The following MYO5C variants were observed in gnomAD, a reference collection of about 807,000 sequenced individuals.
MYO5C encodes unconventional myosin-Vc.
Under a neutral mutation model 235.7 loss-of-function variants are expected in MYO5C, and 194 were observed. The ratio of observed to expected loss-of-function variants is 0.82; its 90% CI spans 0.73 to 0.93. The LOEUF (loss-of-function observed/expected upper bound fraction) is 0.93. Ranked by LOEUF, MYO5C falls within the 40% of genes least tolerant of loss-of-function variation. The probability of loss-of-function intolerance (pLI) is 0.00; values close to 1 mark genes in which losing one functional copy is unlikely to be tolerated. For synonymous variants in MYO5C, 707 were observed against 754.8 expected, an observed-to-expected ratio of 0.94 and a Z score of 1.04; for missense variants, 2,038 against 2,127.2, an observed-to-expected ratio of 0.96 and a Z score of 0.82.
intron 1 of MYO5C, among the ~76,000 whole-genome samples, chr15:52,292,031 A>G (rs369479465): frequency 9.2e-5 from 14 of 151,882 alleles, no homozygotes; most frequent in African/African-American, 3.1e-4. Flanking sequence ...GAGCCACCGC[A>G]CCCGGCCGCA....
At chr15:52,213,061 T>C in intron 34 of MYO5C, 127 bp downstream of exon 34, 1 of 665,126 alleles carries the variant, frequency 1.5e-6, no homozygotes, top group Non-Finnish European at 2.7e-6. Context: ...TGAGAAACTC[T>C]GGGCTGGGGG....
At chr15:52,281,614 T>C (rs894748389) in intron 2 of MYO5C, among the ~76,000 whole-genome samples, 1 of 152,142 alleles carries the variant, frequency 6.6e-6, no homozygotes, top group African/African-American at 2.4e-5. Context: ...TCATCGCACT[T>C]CAGCAACCCT....
intron 13 of MYO5C, among the ~76,000 whole-genome samples, chr15:52,250,735 C>A (rs145579518): frequency 2.2e-4 from 34 of 152,306 alleles, no homozygotes; most frequent in African/African-American, 7.9e-4. Flanking sequence ...GCTAGGCCAC[C>A]AAGGCAACAC....
chr15:52,275,724 G>A lies in MYO5C; in HGVS notation c.450-6C>T. ...TGGACTGGTTTCTGTTGTTTCTAAA[G>A]CAAATAAAAGTTTTCAAATATTAGT... On this transcript the variant is annotated splice_region_variant and splice_polypyrimidine_tract_variant and intron_variant, in intron 4 of 40. Coordinates refer to ENST00000261839, the MANE Select transcript of MYO5C (RefSeq NM_018728.4). The A allele has an allele frequency of 6.2e-7, 1 of 1,613,690 alleles. No homozygotes were observed. Among genetic ancestry groups the A allele is most frequent in the African/African-American group, 1.3e-5 (1 of 75,024 alleles).
intron 33 of MYO5C, 77 bp downstream of exon 33, chr15:52,214,526 G>T: frequency 2.8e-6 from 3 of 1,072,936 alleles, no homozygotes; most frequent in Non-Finnish European, 4.0e-6. Context: ...ATAAGCTTTG[G>T]ACCAGAAAGA....
chr15:52,244,235 T>C (rs2036288428), intron 19 of MYO5C, 121 bp downstream of exon 19: 3 of 896,736 alleles, frequency 3.3e-6, no homozygotes, highest in South Asian at 1.7e-5. Flanking sequence ...AGGGGACCCA[T>C]GCACGTCTGC....
chr15:52,250,668 C>T (rs1566979500), intron 13 of MYO5C, among the ~76,000 whole-genome samples: 1 of 152,182 alleles, frequency 6.6e-6, no homozygotes, highest in South Asian at 2.1e-4. Context: ...CTCACAGCAC[C>T]GGCCTCTGCG....
At chr15:52,271,222 C>G (rs1054094255) in intron 7 of MYO5C, among the ~76,000 whole-genome samples, 8 of 151,908 alleles carry the variant, frequency 5.3e-5, no homozygotes, top group Non-Finnish European at 1.0e-4. Context: ...CCATAAATAC[C>G]CAATGAGCTA....
intron 6 of MYO5C, among the ~76,000 whole-genome samples, chr15:52,272,230 C>A (rs2036939747): frequency 6.6e-6 from 1 of 152,236 alleles, no homozygotes. Flanking sequence ...CTCAATAGCT[C>A]TGATCCCATT....
intron 12 of MYO5C, among the ~76,000 whole-genome samples, chr15:52,251,725 C>T (rs758670919): frequency 1.3e-5 from 2 of 151,952 alleles, no homozygotes; most frequent in South Asian, 4.2e-4. Flanking sequence ...AGTGTGATGA[C>T]GCGATCTTGG....
In MYO5C at chr15:52,208,562, C is replaced by T. The variant is rs755213572; in HGVS notation, c.4378G>A (p.Gly1460Arg). The change falls in exon 36 of 41, where the codon GGA (glycine) becomes AGA (arginine). Residue 1460 changes from glycine to arginine, a missense_variant. Gly to Arg is a moderately radical substitution (Grantham distance 125). Coordinates refer to ENST00000261839, the MANE Select transcript of MYO5C (RefSeq NM_018728.4). Reference protein sequence around the residue: ...HFLNCLKQYSGEEEFMKHNSP... With the variant: ...HFLNCLKQYSREEEFMKHNSP... ...AGGTGGGCGCCCCCTACCTCTTCTC[C>T]GCTGTACTGCTTCAGGCAATTGAGA... 3.5e-5 allele frequency: 57 copies of T among 1,613,936 alleles called. 1 individual carries two copies. In the Middle Eastern group the frequency reaches 6.6e-4, roughly 19 times the overall value.
rs767917121 is a variant in MYO5C at position 52,295,575 on chromosome 15, C to T, written c.27+35G>A. On this transcript the variant is annotated intron_variant, in intron 1 of 40. Transcript: ENST00000261839. ...TCAGCGTTAGCAGGGCCGGCTCCCC[C>T]ACAGCGCTCCCAGGAGCCCAGCGGA... 1.7e-5 allele frequency: 26 copies of T among 1,501,092 alleles called. No individual in the cohort carries two copies. The African/African-American group carries it at 2.5e-4, about 14-fold the overall frequency. 93.0% of individuals were successfully genotyped at this position (1,501,092 alleles called of 1,614,324 possible). A position where few individuals can be genotyped will look rare whatever the true frequency, so the allele number is the denominator to read the frequency against.
At position 52,279,603 on chromosome 15, in the gene MYO5C, A is replaced by G. The variant is rs1412029080; in HGVS notation, c.210T>C (p.Asn70=). The change falls in exon 3 of 41, where the codon AAT becomes AAC. Residue 70 remains asparagine (N), a synonymous_variant. Coordinates refer to ENST00000261839, the MANE Select transcript of MYO5C (RefSeq NM_018728.4). ...GAAGATAGCTGAGAGCCGTGAGGTCATTCTCGCCCACGAGGATGTCAGGAT... is the reference window on the plus strand; with the variant it reads ...GAAGATAGCTGAGAGCCGTGAGGTCGTTCTCGCCCACGAGGATGTCAGGAT... ...LRNPDILVGE[N]DLTALSYLHE... 6.8e-6 allele frequency: 11 copies of G among 1,613,986 alleles called. No individual in the cohort carries two copies. Among genetic ancestry groups the G allele is most frequent in the Non-Finnish European group, 9.3e-6 (11 of 1,179,948 alleles).
At chr15:52,271,690 TAAG>T (rs2036928577) in intron 7 of MYO5C, 70 bp downstream of exon 7, 1 of 844,612 alleles carries the variant, frequency 1.2e-6, no homozygotes, top group African/African-American at 1.7e-5. Flanking sequence ...TATATTACTA[TAAG>T]AAGAAAGTTA....
At chr15:52,212,515 G>T (rs1305391436) in intron 34 of MYO5C, among the ~76,000 whole-genome samples, 1 of 152,184 alleles carries the variant, frequency 6.6e-6, no homozygotes, top group Non-Finnish European at 1.5e-5. Flanking sequence ...GAGCCAAGGG[G>T]GTCACTCGCA....
In MYO5C at chr15:52,256,703, A is replaced by C; in HGVS notation, c.1331T>G (p.Val444Gly). 6.2e-7 allele frequency: 1 copy of C among 1,613,140 alleles called. No individual in the cohort carries two copies. The highest frequency in any genetic ancestry group is 1.7e-5 in the Admixed American group (1 of 59,912). Reference sequence around the variant, plus strand: ...GATGCAAAATTGTTCAAAGCTGTTCACATCAAAGGTTTCAAAACTGAAATA... The same window carrying C: ...GATGCAAAATTGTTCAAAGCTGTTCCCATCAAAGGTTTCAAAACTGAAATA... Reference protein sequence around the residue: ...LDIYGFETFDVNSFEQFCINY... With the variant: ...LDIYGFETFDGNSFEQFCINY... The change falls in exon 11 of 41, where the codon GTG becomes GGG. Residue 444 changes from valine to glycine, a missense_variant. By Grantham distance (109) the Val-to-Gly change is moderately radical (BLOSUM62 -3). Transcript: ENST00000261839.
At chr15:52,213,825 T>C (rs1445530464) in intron 33 of MYO5C, among the ~76,000 whole-genome samples, 2 of 152,032 alleles carry the variant, frequency 1.3e-5, no homozygotes, top group African/African-American at 4.8e-5. Context: ...ATCCCAGCAG[T>C]GGGGATGCAG....
At chr15:52,234,062 T>A (rs866211662) in intron 23 of MYO5C, among the ~76,000 whole-genome samples, 1 of 152,236 alleles carries the variant, frequency 6.6e-6, no homozygotes, top group South Asian at 2.1e-4. Flanking sequence ...CCAACACGTT[T>A]TATATAACCT....
intron 32 of MYO5C, among the ~76,000 whole-genome samples, chr15:52,218,275 G>A (rs1205558570): frequency 6.6e-6 from 1 of 152,126 alleles, no homozygotes; most frequent in Non-Finnish European, 1.5e-5. Context: ...TAGTGCTGGG[G>A]AACTACGGCC....
Sources: gnomAD v4.1 joint callset for allele counts (sites outside exome capture counted in the v4.1 genomes callset) on GRCh38, gnomAD v4.1.1 for gene constraint, MANE v1.5 for transcripts, NCBI Gene and HGNC (gene_info 2026-07-23, HGNC 2026-07-21) for gene names.